The following RANBP2 variants were observed in gnomAD, a reference collection of about 807,000 sequenced individuals.
The protein encoded by RANBP2 is RAN binding protein 2.
Under a neutral mutation model 303.6 loss-of-function variants are expected in RANBP2, and 57 were observed. That is an observed-to-expected ratio of 0.19 (90% CI 0.15 to 0.23). RANBP2 has a LOEUF of 0.23. Among genes scored for constraint, RANBP2 ranks in the 10% least tolerant of loss-of-function variants. The probability of loss-of-function intolerance (pLI) is 1.00; values close to 1 mark genes in which losing one functional copy is unlikely to be tolerated. For missense variants in RANBP2, 3,138 were observed against 3,780.8 expected, an observed-to-expected ratio of 0.83 and a Z score of 4.46; for synonymous variants, 1,167 against 1,301.5, an observed-to-expected ratio of 0.90 and a Z score of 2.23.
chr2:109,273,466 A>G, the RANBP2 span, among the ~76,000 whole-genome samples: 1 of 152,214 alleles, frequency 6.6e-6, no homozygotes, highest in African/African-American at 2.4e-5. Context: ...AGGAGGGGAG[A>G]AGGGAGAACT....
At chr2:108,971,275 C>T in the RANBP2 span, among the ~76,000 whole-genome samples, 4 of 152,066 alleles carry the variant, frequency 2.6e-5, no homozygotes, top group Non-Finnish European at 5.9e-5. Flanking sequence ...TAGAAACTGG[C>T]TCTGAGGAGT....
chr2:109,692,172 T>C, the RANBP2 span, among the ~76,000 whole-genome samples: 1 of 151,974 alleles, frequency 6.6e-6, no homozygotes. Context: ...GTGGATAAAA[T>C]GTGGCAGCAG....
chr2:108,926,940 G>A, the RANBP2 span, among the ~76,000 whole-genome samples: 1 of 152,222 alleles, frequency 6.6e-6, no homozygotes, highest in Non-Finnish European at 1.5e-5. Flanking sequence ...TGACAGCCTC[G>A]TAAGAGGAAG....
At chr2:109,288,754 A>G in the RANBP2 span, among the ~76,000 whole-genome samples, 1 of 152,192 alleles carries the variant, frequency 6.6e-6, no homozygotes, top group Admixed American at 6.5e-5. Flanking sequence ...TCATGATGGA[A>G]GACACATGGC....
At chr2:108,941,523 C>A in the RANBP2 span, among the ~76,000 whole-genome samples, 1 of 152,176 alleles carries the variant, frequency 6.6e-6, no homozygotes, top group Admixed American at 6.5e-5. Flanking sequence ...GACCAGCTGG[C>A]AGCTGCCATG....
At chr2:108,934,312 G>A in the RANBP2 span, among the ~76,000 whole-genome samples, 10 of 152,298 alleles carry the variant, frequency 6.6e-5, no homozygotes, top group African/African-American at 2.4e-4. Flanking sequence ...CAGGCAGGAG[G>A]TGGGCCACTG....
the RANBP2 span, among the ~76,000 whole-genome samples, chr2:108,819,806 T>C: frequency 6.6e-6 from 1 of 152,104 alleles, no homozygotes; most frequent in African/African-American, 2.4e-5. Context: ...AACAGGGACA[T>C]TGATCAAATC....
chr2:109,061,291 C>A, the RANBP2 span, among the ~76,000 whole-genome samples: 1 of 152,084 alleles, frequency 6.6e-6, no homozygotes, highest in African/African-American at 2.4e-5. Flanking sequence ...CCTCTTGAAG[C>A]AACATTTCTG....
At chr2:109,014,142 C>A in the RANBP2 span, among the ~76,000 whole-genome samples, 4 of 152,202 alleles carry the variant, frequency 2.6e-5, no homozygotes, top group African/African-American at 7.2e-5. Flanking sequence ...TGAAATCCAT[C>A]AGATTATCTC....
the RANBP2 span, among the ~76,000 whole-genome samples, chr2:109,174,761 T>C: frequency 6.6e-6 from 1 of 152,224 alleles, no homozygotes; most frequent in Non-Finnish European, 1.5e-5. Flanking sequence ...AATGATGCCT[T>C]GTGTGGCTCA....
the RANBP2 span, chr2:109,615,662 G>A: frequency 1.2e-6 from 2 of 1,614,176 alleles, no homozygotes; most frequent in Admixed American, 3.3e-5. Context: ...AGGAGATCAA[G>A]AACCTGGTGG....
chr2:109,361,355 C>T, the RANBP2 span, among the ~76,000 whole-genome samples: 4 of 152,176 alleles, frequency 2.6e-5, no homozygotes, highest in African/African-American at 9.7e-5. Context: ...AATATTCTTT[C>T]TGCGAAGTAT....
chr2:109,633,250 G>A, the RANBP2 span, among the ~76,000 whole-genome samples: 4 of 152,008 alleles, frequency 2.6e-5, no homozygotes, highest in South Asian at 2.1e-4. Flanking sequence ...CAGATTAGCC[G>A]GACGTGGTGG....
chr2:109,467,502 C>T, the RANBP2 span, among the ~76,000 whole-genome samples: 1 of 152,184 alleles, frequency 6.6e-6, no homozygotes, highest in Non-Finnish European at 1.5e-5. Flanking sequence ...GACAGCAGGA[C>T]TGGGGGGCTT....
At chr2:109,618,580 C>T in the RANBP2 span, 14 of 167,050 alleles carry the variant, frequency 8.4e-5, no homozygotes, top group East Asian at 1.4e-3. Flanking sequence ...GTAGCATTTT[C>T]GGCTACTTAA....
the RANBP2 span, among the ~76,000 whole-genome samples, chr2:108,931,945 A>T: frequency 3.9e-5 from 6 of 152,154 alleles, no homozygotes; most frequent in African/African-American, 1.2e-4. Flanking sequence ...GGGTTGTGTG[A>T]GGAACCTTCC....
At chr2:109,648,966 G>A in the RANBP2 span, among the ~76,000 whole-genome samples, 1 of 152,140 alleles carries the variant, frequency 6.6e-6, no homozygotes, top group South Asian at 2.1e-4. Flanking sequence ...GGATGGACTG[G>A]TTGCGGGTGA....
chr2:109,684,292 A>G, the RANBP2 span, among the ~76,000 whole-genome samples: 1 of 121,732 alleles, frequency 8.2e-6, no homozygotes, highest in Non-Finnish European at 1.6e-5. Context: ...CCCAGGCTGG[A>G]GTGCAGTGGC....
the RANBP2 span, among the ~76,000 whole-genome samples, chr2:109,621,137 A>G: frequency 2.0e-5 from 3 of 152,106 alleles, no homozygotes; most frequent in South Asian, 2.1e-4. Flanking sequence ...GTAGAATCAT[A>G]TAAGTTGTTG....
Sources: allele counts gnomAD v4.1 joint callset (sites outside exome capture counted in the v4.1 genomes callset), GRCh38; gene constraint gnomAD v4.1.1; transcripts MANE v1.5; gene names NCBI Gene and HGNC (gene_info 2026-07-23, HGNC 2026-07-21).